TMEM117: variants seen among roughly 807,000 people sequenced by gnomAD.
TMEM117 encodes transmembrane protein 117.
A neutral mutation model predicts 52.4 loss-of-function variants in TMEM117; 27 were observed. The ratio of observed to expected loss-of-function variants is 0.51; its 90% CI spans 0.38 to 0.71. TMEM117 has a LOEUF of 0.71. Ranked by LOEUF, TMEM117 falls within the 30% of genes least tolerant of loss-of-function variation. The pLI, the probability that TMEM117 is intolerant of heterozygous loss-of-function variation, is 0.00. For missense variants in TMEM117, 556 were observed against 630.5 expected (o/e 0.88, Z 1.26); for synonymous variants, 215 against 206.3 (o/e 1.04, Z -0.36).
chr12:43,980,448 C>G (rs1249237128), intron 3 of TMEM117, among the ~76,000 whole-genome samples: 2 of 152,140 alleles, frequency 1.3e-5, no homozygotes, highest in Non-Finnish European at 2.9e-5. Flanking sequence ...CATTAGGTCC[C>G]TTAATTGAGC....
intron 2 of TMEM117, among the ~76,000 whole-genome samples, chr12:43,858,576 G>A (rs925772612): frequency 6.6e-6 from 1 of 152,170 alleles, no homozygotes; most frequent in Non-Finnish European, 1.5e-5. Context: ...CATTTTCTTG[G>A]CTGGACTATA....
At chr12:44,310,296 A>C (rs1275867888) in intron 6 of TMEM117, among the ~76,000 whole-genome samples, 2 of 152,238 alleles carry the variant, frequency 1.3e-5, no homozygotes, top group African/African-American at 2.4e-5. Flanking sequence ...CATAACCTAC[A>C]AATAGAGGCA....
At chr12:44,078,088 T>C (rs546171184) in intron 3 of TMEM117, among the ~76,000 whole-genome samples, 23 of 152,302 alleles carry the variant, frequency 1.5e-4, no homozygotes, top group African/African-American at 5.5e-4. Flanking sequence ...AATCATAACT[T>C]CTGTGTTGAT....
chr12:44,090,398 TTTTA>T (rs199595783), intron 3 of TMEM117, among the ~76,000 whole-genome samples: 50,431 of 122,370 alleles, frequency 0.41, 10,148 homozygotes, highest in East Asian at 0.59. Context: ...TTATCTTACT[TTTTA>T]TTTATTTATT....
At chr12:44,270,656 A>G (rs1413419150) in intron 5 of TMEM117, among the ~76,000 whole-genome samples, 1 of 152,010 alleles carries the variant, frequency 6.6e-6, no homozygotes, top group Admixed American at 6.6e-5. Context: ...ACTATTTTGA[A>G]TAGAAGTGGT....
At chr12:44,364,332 C>A (rs1592720227) in intron 6 of TMEM117, among the ~76,000 whole-genome samples, 1 of 152,136 alleles carries the variant, frequency 6.6e-6, no homozygotes, top group East Asian at 1.9e-4. Flanking sequence ...AAATTATTTT[C>A]TGATAATTTT....
intron 3 of TMEM117, among the ~76,000 whole-genome samples, chr12:44,050,400 C>T (rs369266033): frequency 2.0e-5 from 3 of 152,246 alleles, no homozygotes; most frequent in African/African-American, 4.8e-5. Flanking sequence ...TGGTCTCGAA[C>T]GCCTGACCTC....
At chr12:44,011,715 A>G in intron 3 of TMEM117, among the ~76,000 whole-genome samples, 1 of 152,166 alleles carries the variant, frequency 6.6e-6, no homozygotes, top group South Asian at 2.1e-4. Flanking sequence ...TAGGCATAGT[A>G]AGATATTAAT....
intron 6 of TMEM117, among the ~76,000 whole-genome samples, chr12:44,322,178 G>T (rs745844342): frequency 2.3e-4 from 35 of 152,170 alleles, no homozygotes; most frequent in Non-Finnish European, 2.2e-4. Context: ...TCTGTCCATG[G>T]ATATCTACCC....
chr12:44,238,152 GTC>G (rs1950020578), intron 5 of TMEM117, among the ~76,000 whole-genome samples: 4 of 152,254 alleles, frequency 2.6e-5, no homozygotes, highest in Admixed American at 6.5e-5. Flanking sequence ...GATAAGAAGT[GTC>G]TGTGTGTTTT....
At chr12:43,881,195 A>G (rs1303975932) in intron 2 of TMEM117, among the ~76,000 whole-genome samples, 2 of 152,228 alleles carry the variant, frequency 1.3e-5, no homozygotes, top group African/African-American at 2.4e-5. Context: ...ATATTATTAA[A>G]CAAGGCTAGG....
chr12:43,881,493 C>G (rs1337554375), intron 2 of TMEM117, among the ~76,000 whole-genome samples: 1 of 152,102 alleles, frequency 6.6e-6, no homozygotes, highest in Non-Finnish European at 1.5e-5. Context: ...CAATTTCACT[C>G]TTGAAAGACT....
chr12:44,319,192 G>A (rs1951099087), intron 6 of TMEM117, among the ~76,000 whole-genome samples: 1 of 152,138 alleles, frequency 6.6e-6, no homozygotes, highest in African/African-American at 2.4e-5. Flanking sequence ...CATGCTGCTG[G>A]GTTGTCAAAG....
At chr12:44,182,332 G>T (rs1011019256) in intron 4 of TMEM117, among the ~76,000 whole-genome samples, 25 of 152,060 alleles carry the variant, frequency 1.6e-4, no homozygotes, top group African/African-American at 2.4e-4. Context: ...TTTTCCTAAT[G>T]GAATACCCTT....
downstream of TMEM117, among the ~76,000 whole-genome samples, chr12:44,392,111 G>A (rs1024604625): frequency 6.6e-6 from 1 of 152,180 alleles, no homozygotes; most frequent in African/African-American, 2.4e-5. Flanking sequence ...ACAGAGTCAA[G>A]CTCAGAAACG....
chr12:43,991,600 T>G (rs1475965652), intron 3 of TMEM117, among the ~76,000 whole-genome samples: 1 of 152,174 alleles, frequency 6.6e-6, no homozygotes, highest in Non-Finnish European at 1.5e-5. Flanking sequence ...AATGAGGAAC[T>G]GGCTTGTTTT....
intron 2 of TMEM117, among the ~76,000 whole-genome samples, chr12:43,851,465 G>GT (rs144536406): frequency 0.027 from 4,152 of 151,302 alleles, 62 homozygotes; most frequent in Middle Eastern, 0.082. Flanking sequence ...GATGATTCTA[G>GT]TTTTTTTTTA....
chr12:44,057,786 T>C (rs1318527709), intron 3 of TMEM117, among the ~76,000 whole-genome samples: 1 of 152,200 alleles, frequency 6.6e-6, no homozygotes, highest in Non-Finnish European at 1.5e-5. Context: ...CATATACTTC[T>C]GTTGCTTGAT....
chr12:43,800,720 GGTTA>G, the TMEM117 span, among the ~76,000 whole-genome samples: 1 of 152,106 alleles, frequency 6.6e-6, no homozygotes, highest in Admixed American at 6.6e-5. Flanking sequence ...AACTATCAAT[GGTTA>G]GTAAGATGGA....
Sources: gnomAD v4.1 joint callset for allele counts (sites outside exome capture counted in the v4.1 genomes callset) on GRCh38, gnomAD v4.1.1 for gene constraint, MANE v1.5 for transcripts, NCBI Gene and HGNC (gene_info 2026-07-23, HGNC 2026-07-21) for gene names.